The following GABARAPL1 variants were observed in gnomAD, a reference collection of about 807,000 sequenced individuals.
GABARAPL1 encodes the protein GABA type A receptor associated protein like 1, also known as gamma-aminobutyric acid receptor-associated protein-like 1.
A neutral mutation model predicts 14.5 loss-of-function variants in GABARAPL1; 4 were observed. The ratio of observed to expected loss-of-function variants is 0.28; its 90% confidence interval spans 0.14 to 0.63. The LOEUF is 0.63. Ranked by LOEUF, GABARAPL1 falls within the 30% of genes least tolerant of loss-of-function variation. The probability of loss-of-function intolerance (pLI) is 0.84; values close to 1 mark genes in which losing one functional copy is unlikely to be tolerated. For missense variants in GABARAPL1, 82 were observed against 139.2 expected (o/e 0.59, Z 2.07); for synonymous variants, 47 against 50.6 (o/e 0.93, Z 0.30).
chr12:10,216,797 C>T lies in GABARAPL1; in HGVS notation c.91-1266C>T, dbSNP rs544254744. Among the ~76,000 whole-genome samples, 9 of 152,274 alleles carry T rather than the reference C, an allele frequency of 5.9e-5. No homozygotes were observed. The South Asian group carries it at 1.9e-3, about 32-fold the overall frequency. On this transcript the variant is annotated intron_variant, in intron 1 of 3. Transcript: ENST00000266458. Reference sequence around the variant, plus strand: ...TCAGATGATCCGCCCGCCTCGACCTCCCAAAGTGCTGGGATTACAGGCATG... The same window carrying T: ...TCAGATGATCCGCCCGCCTCGACCTTCCAAAGTGCTGGGATTACAGGCATG...
chr12:10,216,819 C>T (rs1324509822), intron 1 of GABARAPL1, among the ~76,000 whole-genome samples: 4 of 152,108 alleles, frequency 2.6e-5, no homozygotes, highest in Admixed American at 2.0e-4. Context: ...GGATTACAGG[C>T]ATGAGCCATT....
At chr12:10,215,653 T>A (rs769021693) in intron 1 of GABARAPL1, among the ~76,000 whole-genome samples, 9 of 152,146 alleles carry the variant, frequency 5.9e-5, no homozygotes, top group Non-Finnish European at 7.3e-5. Context: ...CCCTCTGCTT[T>A]ATCACTTTCT....
chr12:10,215,615 C>G (rs1949083552), intron 1 of GABARAPL1, among the ~76,000 whole-genome samples: 1 of 152,002 alleles, frequency 6.6e-6, no homozygotes, highest in Non-Finnish European at 1.5e-5. Flanking sequence ...TCTTCCTCTC[C>G]AAACCCCTCC....
chr12:10,221,777 C>T lies in GABARAPL1; in HGVS notation c.289-10C>T. The stretch of plus-strand genomic sequence containing the variant: ...TGTTTTCTAAACTGTTGTCTTATCT[C>T]TTCCCCTAGGACAATCATGAGGAAG... On this transcript the variant is annotated splice_polypyrimidine_tract_variant and intron_variant, in intron 3 of 3. Coordinates refer to ENST00000266458, the MANE Select transcript of GABARAPL1 (RefSeq NM_031412.4). 6.2e-7 allele frequency: 1 copy of T among 1,613,812 alleles called. No homozygotes were observed. The highest frequency in any genetic ancestry group is 8.5e-7 in the Non-Finnish European group (1 of 1,179,768).
intron 1 of GABARAPL1, chr12:10,213,843 G>A: frequency 2.2e-6 from 1 of 455,938 alleles, no homozygotes; most frequent in Middle Eastern, 3.3e-4. Context: ...TAGGCTCCGG[G>A]GCTTGTGTGG....
chr12:10,222,242 C>G lies in GABARAPL1; in HGVS notation c.*390C>G, dbSNP rs1949123581. The G allele has an allele frequency of 4.8e-6, 1 of 209,046 alleles. No homozygotes were observed. The highest frequency in any genetic ancestry group is 2.3e-5 in the African/African-American group (1 of 44,354). 12.9% of individuals were successfully genotyped at this position (209,046 alleles called of 1,614,324 possible). Reference sequence around the variant, plus strand: ...GCTCCCTTCTCTTTGGGCAGAGATTCTATTTTTGACATTTGCACAAGACAG... The same window carrying G: ...GCTCCCTTCTCTTTGGGCAGAGATTGTATTTTTGACATTTGCACAAGACAG... On this transcript the variant is annotated 3_prime_UTR_variant, in exon 4 of 4. Coordinates refer to ENST00000266458, the MANE Select transcript of GABARAPL1 (RefSeq NM_031412.4).
chr12:10,219,071 C>T (rs1949105864), intron 2 of GABARAPL1, among the ~76,000 whole-genome samples: 2 of 151,822 alleles, frequency 1.3e-5, no homozygotes, highest in African/African-American at 4.8e-5. Flanking sequence ...GTAATCCCAG[C>T]ACTTTGGGAC....
chr12:10,220,181 CATG>C (rs962617732), intron 2 of GABARAPL1, among the ~76,000 whole-genome samples: 2 of 152,100 alleles, frequency 1.3e-5, no homozygotes, highest in Admixed American at 6.6e-5. Flanking sequence ...GATATGCTAA[CATG>C]AGGTCTGAGA....
At chr12:10,216,193 A>G (rs1285795648) in intron 1 of GABARAPL1, among the ~76,000 whole-genome samples, 1 of 151,910 alleles carries the variant, frequency 6.6e-6, no homozygotes, top group East Asian at 1.9e-4. Flanking sequence ...ATCATGGTGA[A>G]ACCCCATCTC....
intron 1 of GABARAPL1, among the ~76,000 whole-genome samples, chr12:10,216,483 CT>C (rs1330479640): frequency 1.3e-5 from 2 of 148,288 alleles, no homozygotes; most frequent in African/African-American, 2.5e-5. Flanking sequence ...TGCGTCTTCA[CT>C]TTTTTTTCTG....
chr12:10,217,265 CTG>C (rs745838796), intron 1 of GABARAPL1, among the ~76,000 whole-genome samples: 1 of 152,134 alleles, frequency 6.6e-6, no homozygotes, highest in East Asian at 1.9e-4. Context: ...TGTTTTAACA[CTG>C]TTTCTTTTCC....
chr12:10,220,891 T>C, intron 3 of GABARAPL1: 2 of 1,396,484 alleles, frequency 1.4e-6, no homozygotes, highest in Non-Finnish European at 1.9e-6. Context: ...TCGCAGTTCC[T>C]GCTATTCTGG....
rs952687465 is a variant in GABARAPL1, at chr12:10,214,007, T to C, written c.90+788T>C. ...GGAACAGAAAAGTATTAGGTATCTT[T>C]CAGCATCCGGGCGTTTTCCCCATTA... On this transcript the variant is annotated intron_variant, in intron 1 of 3. Transcript: ENST00000266458. 2.5e-5 allele frequency: 9 copies of C among 364,408 alleles called. No individual in the cohort carries two copies. In the Admixed American group the frequency reaches 2.8e-4, roughly 11 times the overall value. 22.6% of individuals were successfully genotyped at this position (364,408 alleles called of 1,614,324 possible).
At chr12:10,220,704 G>A in intron 3 of GABARAPL1, 146 bp downstream of exon 3, 1 of 1,539,900 alleles carries the variant, frequency 6.5e-7, no homozygotes, top group Non-Finnish European at 8.7e-7. Context: ...GGCAGTGTAA[G>A]GCTCTGAGAG....
Position 10,212,898 on chromosome 12 carries a change from G to C in GABARAPL1, c.-232G>C, listed in dbSNP as rs1949064869. ...AGCTGTTTTTGTGCTCCCAGCTCTA[G>C]CGAAAAGCCGCCGGTATTTCTCCAT... On this transcript the variant is annotated 5_prime_UTR_variant, in exon 1 of 4. Transcript: ENST00000266458. The C allele has an allele frequency of 8.6e-6, 4 of 466,608 alleles. No homozygotes were observed. The highest frequency in any genetic ancestry group is 6.0e-4 in the Middle Eastern group (1 of 1,658). 28.9% of individuals were successfully genotyped at this position (466,608 alleles called of 1,614,324 possible). A position where few individuals can be genotyped will look rare whatever the true frequency, so the allele number is the denominator to read the frequency against.
chr12:10,214,095 G>A, intron 1 of GABARAPL1: 2 of 303,480 alleles, frequency 6.6e-6, no homozygotes, highest in South Asian at 5.3e-5. Flanking sequence ...GAATTGGAGG[G>A]CAGAATATGG....
intron 1 of GABARAPL1, among the ~76,000 whole-genome samples, chr12:10,215,898 GTT>G (rs34055825): frequency 3.2e-4 from 47 of 147,768 alleles, no homozygotes; most frequent in South Asian, 6.3e-4. Context: ...TGTTTTTGTT[GTT>G]TTTTTTTTTA....
At chr12:10,218,490 G>A (rs1289416309) in intron 2 of GABARAPL1, among the ~76,000 whole-genome samples, 1 of 151,844 alleles carries the variant, frequency 6.6e-6, no homozygotes, top group Non-Finnish European at 1.5e-5. Context: ...GAAGAATGGT[G>A]TGAACCCGGG....
chr12:10,219,776 T>C (rs12308040), intron 2 of GABARAPL1, among the ~76,000 whole-genome samples: 1,539 of 152,030 alleles, frequency 0.01, 33 homozygotes, highest in African/African-American at 0.035. Context: ...GCTTTCAGCC[T>C]GGGTGACAGA....
Sources: allele counts gnomAD v4.1 joint callset (sites outside exome capture counted in the v4.1 genomes callset), GRCh38; gene constraint gnomAD v4.1.1; transcripts MANE v1.5; gene names NCBI Gene and HGNC (gene_info 2026-07-23, HGNC 2026-07-21).